Variants in RLN2 observed in about 807,000 individuals in gnomAD.
RLN2 encodes the protein prorelaxin H2.
Under a neutral mutation model 7.3 loss-of-function variants are expected in RLN2, and 10 were observed. That is an observed-to-expected ratio of 1.36 (90% CI 0.84 to 2.31). The LOEUF is 2.31. Among genes scored for constraint, RLN2 ranks in the 30% most tolerant of loss-of-function variants. The probability of loss-of-function intolerance (pLI) is 0.00; values close to 1 mark genes in which losing one functional copy is unlikely to be tolerated. For synonymous variants in RLN2, 103 were observed against 82.3 expected, an observed-to-expected ratio of 1.25 and a Z score of -1.36; for missense variants, 298 against 217.6, an observed-to-expected ratio of 1.37 and a Z score of -2.32.
At chr9:5,326,677 G>C in the RLN2 span, among the ~76,000 whole-genome samples, 11 of 152,068 alleles carry the variant, frequency 7.2e-5, no homozygotes, top group Non-Finnish European at 1.3e-4. Context: ...ATCTGAATCA[G>C]CATGACAGAC....
the RLN2 span, among the ~76,000 whole-genome samples, chr9:5,319,171 C>A: frequency 6.6e-6 from 1 of 151,842 alleles, no homozygotes; most frequent in African/African-American, 2.4e-5. Context: ...TGCAAGTAAC[C>A]TTTGGGAAGT....
At chr9:5,324,274 G>A in the RLN2 span, among the ~76,000 whole-genome samples, 1 of 151,896 alleles carries the variant, frequency 6.6e-6, no homozygotes, top group South Asian at 2.1e-4. Context: ...TTCCAAGAGA[G>A]GAAAATTACG....
At chr9:5,312,826 T>G in the RLN2 span, among the ~76,000 whole-genome samples, 1 of 152,192 alleles carries the variant, frequency 6.6e-6, no homozygotes, top group African/African-American at 2.4e-5. Flanking sequence ...TTTCCTTCTT[T>G]GACCCATTGT....
chr9:5,307,278 TAGATAGATAGATAG>T (rs562374418), upstream of RLN2, among the ~76,000 whole-genome samples: 4,321 of 56,592 alleles, frequency 0.076, 119 homozygotes, highest in Non-Finnish European at 0.11. Flanking sequence ...AGAGGATAGA[TAGATAGATAGATAG>T]ATAGATAGAT....
chr9:5,335,254 G>C, the RLN2 span: 4 of 1,573,874 alleles, frequency 2.5e-6, no homozygotes, highest in South Asian at 2.4e-5. Context: ...CTTCATCTCA[G>C]CAATATTTAG....
chr9:5,332,552 T>C, the RLN2 span, among the ~76,000 whole-genome samples: 2 of 151,676 alleles, frequency 1.3e-5, no homozygotes, highest in Non-Finnish European at 2.9e-5. Flanking sequence ...AGACAGCAGA[T>C]TGGAACAATT....
chr9:5,304,303 T>A (rs1586930646), intron 1 of RLN2, 67 bp downstream of exon 1: 1 of 1,130,798 alleles, frequency 8.8e-7, no homozygotes, highest in African/African-American at 1.8e-5. Flanking sequence ...GCCGTTCCAA[T>A]TGGGCGGCCG....
chr9:5,334,659 A>G, the RLN2 span, among the ~76,000 whole-genome samples: 13 of 152,100 alleles, frequency 8.5e-5, no homozygotes, highest in African/African-American at 3.1e-4. Flanking sequence ...TTTTATGGAC[A>G]CTAGAACTGA....
the RLN2 span, among the ~76,000 whole-genome samples, chr9:5,328,140 T>A: frequency 6.6e-6 from 1 of 151,810 alleles, no homozygotes; most frequent in Non-Finnish European, 1.5e-5. Context: ...TTCTAACCCA[T>A]CCCAAGTAAG....
chr9:5,318,802 T>G, the RLN2 span, among the ~76,000 whole-genome samples: 2 of 152,078 alleles, frequency 1.3e-5, no homozygotes, highest in Non-Finnish European at 2.9e-5. Context: ...TTAAGTAATT[T>G]ATTTCTAACA....
upstream of RLN2, chr9:5,304,990 C>G (rs138157069): frequency 1.1e-5 from 2 of 179,242 alleles, no homozygotes; most frequent in East Asian, 3.0e-4. Context: ...ATTCTTACAA[C>G]TCAGTTTTCT....
At position 5,300,810 on chromosome 9, in the gene RLN2, C is replaced by A. The variant is rs375360130; in HGVS notation, c.212-366G>T. Among the ~76,000 whole-genome samples the A allele has an allele frequency of 5.9e-5, 9 of 152,148 alleles. No homozygotes were observed. In the East Asian group the frequency reaches 9.6e-4, roughly 16 times the overall value. ...CAGCTAGTGGTCATTTTCTTGGATTCTTCTTAGTTAAGTCATTTTCTTCCA... is the reference window on the plus strand; with the variant it reads ...CAGCTAGTGGTCATTTTCTTGGATTATTCTTAGTTAAGTCATTTTCTTCCA... On this transcript the variant is annotated intron_variant, in intron 1 of 1. Transcript: ENST00000381627.
the RLN2 span, among the ~76,000 whole-genome samples, chr9:5,314,243 G>C: frequency 2.6e-5 from 4 of 152,028 alleles, no homozygotes; most frequent in African/African-American, 9.7e-5. Flanking sequence ...CATCCCACCA[G>C]CTTTGTTGCT....
chr9:5,309,153 T>C (rs1304227027), upstream of RLN2, among the ~76,000 whole-genome samples: 1 of 152,086 alleles, frequency 6.6e-6, no homozygotes, highest in Non-Finnish European at 1.5e-5. Flanking sequence ...AACAACCAAC[T>C]ACTACAACAT....
In RLN2 at chr9:5,304,661, G is replaced by T; in HGVS notation, c.-81C>A. ...TGCTGTGGCCTACACACCTGGGCCT[G>T]TGTGCCTGTCCCGGGCTTTAGGCTG... On this transcript the variant is annotated 5_prime_UTR_variant, in exon 1 of 2. Transcript: ENST00000381627. 7.0e-7 allele frequency: 1 copy of T among 1,420,274 alleles called. No homozygotes were observed. The highest frequency in any genetic ancestry group is 9.9e-7 in the Non-Finnish European group (1 of 1,010,950). 88.0% of individuals were successfully genotyped at this position (1,420,274 alleles called of 1,614,324 possible). A position where few individuals can be genotyped will look rare whatever the true frequency, so the allele number is the denominator to read the frequency against.
At chr9:5,310,166 G>T in the RLN2 span, among the ~76,000 whole-genome samples, 3 of 151,888 alleles carry the variant, frequency 2.0e-5, no homozygotes, top group Non-Finnish European at 4.4e-5. Context: ...AGAGGGCTTG[G>T]GGTTATCCCA....
the RLN2 span, among the ~76,000 whole-genome samples, chr9:5,319,222 G>A: frequency 6.6e-6 from 1 of 151,972 alleles, no homozygotes; most frequent in Non-Finnish European, 1.5e-5. Context: ...TTTTGATGTG[G>A]TGACTAAGAT....
At chr9:5,315,465 G>C in the RLN2 span, among the ~76,000 whole-genome samples, 6 of 151,078 alleles carry the variant, frequency 4.0e-5, no homozygotes, top group East Asian at 1.9e-4. Context: ...ACATCATTAA[G>C]CAAACAAACT....
the RLN2 span, among the ~76,000 whole-genome samples, chr9:5,315,817 A>C: frequency 5.6e-3 from 854 of 152,142 alleles, 21 homozygotes; most frequent in African/African-American, 0.02. Context: ...AAAGAAAAAA[A>C]TTTTCAGGTG....
Sources: allele counts gnomAD v4.1 joint callset (sites outside exome capture counted in the v4.1 genomes callset), GRCh38; gene constraint gnomAD v4.1.1; transcripts MANE v1.5; gene names NCBI Gene and HGNC (gene_info 2026-07-23, HGNC 2026-07-21).